The following HSPA12A variants were observed in gnomAD, a reference collection of about 807,000 sequenced individuals.
HSPA12A encodes the protein heat shock 70 kDa protein 12A.
A neutral mutation model predicts 69.2 loss-of-function variants in HSPA12A; 28 were observed. The ratio of observed to expected loss-of-function variants is 0.40; its 90% CI spans 0.30 to 0.55. The LOEUF is 0.55. HSPA12A is among the 20% of genes least tolerant of loss of function. HSPA12A has a pLI of 0.38. For synonymous variants in HSPA12A, 345 were observed against 370.5 expected (o/e 0.93, Z 0.79); for missense variants, 686 against 900.7 (o/e 0.76, Z 3.05).
intron 1 of HSPA12A, among the ~76,000 whole-genome samples, 159 bp from the exon 2 acceptor site, chr10:116,707,444 C>T (rs1210903216): frequency 6.6e-6 from 1 of 152,250 alleles, no homozygotes; most frequent in Non-Finnish European, 1.5e-5. Context: ...AAGGCAGGAA[C>T]ATCCGTTCCA....
intron 1 of HSPA12A, among the ~76,000 whole-genome samples, chr10:116,728,533 T>C (rs1365590607): frequency 6.6e-6 from 1 of 152,168 alleles, no homozygotes; most frequent in African/African-American, 2.4e-5. Context: ...GTGACGAATG[T>C]AGGCTTCAAG....
rs75237139 is a variant in HSPA12A, at chr10:116,755,407, T to C, written c.92-48122A>G. On this transcript the variant is annotated intron_variant, in intron 2 of 12. Transcript: ENST00000635765. Reference sequence around the variant, plus strand: ...TGAGCAGATCACTTGAAGCCAGGAGTTCGAGACCAGCATGGCCAACATGGT... The same window carrying C: ...TGAGCAGATCACTTGAAGCCAGGAGCTCGAGACCAGCATGGCCAACATGGT... 3.2e-3 allele frequency among the ~76,000 whole-genome samples: 490 copies of C among 151,202 alleles called. 12 individuals are homozygous for C. The East Asian group carries it at 0.063, about 20-fold the overall frequency.
At chr10:116,796,036 T>C (rs1844815896) in intron 2 of HSPA12A, among the ~76,000 whole-genome samples, 1 of 149,192 alleles carries the variant, frequency 6.7e-6, no homozygotes, top group Non-Finnish European at 1.5e-5. Context: ...TAGTCCCAGC[T>C]ACTCAGGAGG....
intron 2 of HSPA12A, among the ~76,000 whole-genome samples, chr10:116,805,585 G>A (rs1047743819): frequency 3.3e-5 from 5 of 151,890 alleles, no homozygotes; most frequent in Admixed American, 1.3e-4. Flanking sequence ...GATGTTGGGC[G>A]GGGGGGTACT....
intron 2 of HSPA12A, among the ~76,000 whole-genome samples, chr10:116,785,591 G>C (rs1025236052): frequency 2.0e-5 from 3 of 152,042 alleles, no homozygotes; most frequent in African/African-American, 7.2e-5. Flanking sequence ...ATAAAGCCCA[G>C]CTCACTCCCC....
intron 2 of HSPA12A, among the ~76,000 whole-genome samples, chr10:116,776,609 G>C (rs1413712651): frequency 6.6e-6 from 1 of 152,100 alleles, no homozygotes; most frequent in Non-Finnish European, 1.5e-5. Context: ...AGTGAACAAC[G>C]AATTTATTAT....
chr10:116,699,803 A>G (rs1850026820), intron 4 of HSPA12A, among the ~76,000 whole-genome samples: 1 of 152,202 alleles, frequency 6.6e-6, no homozygotes, highest in African/African-American at 2.4e-5. Context: ...TCAGCATTGA[A>G]TCCCATTAGG....
At chr10:116,729,835 A>G (rs1199601463) in intron 1 of HSPA12A, among the ~76,000 whole-genome samples, 15 of 152,336 alleles carry the variant, frequency 9.8e-5, no homozygotes, top group Admixed American at 4.6e-4. Flanking sequence ...TTAGACCTCA[A>G]TAGACTAAAC....
intron 1 of HSPA12A, among the ~76,000 whole-genome samples, chr10:116,843,321 C>T (rs1056903010): frequency 1.3e-5 from 2 of 152,194 alleles, no homozygotes; most frequent in African/African-American, 2.4e-5. Context: ...TAATTCAATT[C>T]AGTCTGGATT....
chr10:116,716,485 T>C (rs10749228), intron 1 of HSPA12A, among the ~76,000 whole-genome samples: 122,261 of 151,112 alleles, frequency 0.81, 51,188 homozygotes, highest in Non-Finnish European at 0.92. Context: ...TGTGTGTGCA[T>C]GCATGTGCTC....
rs183275003 is a variant in HSPA12A, at chr10:116,848,094, G to T, written c.3+1472C>A. ...AATGGAAACAGCAGCAATAGTGTCAGCTTATTTTGCATAAGGGTTCACTCA... is the reference window on the plus strand; with the variant it reads ...AATGGAAACAGCAGCAATAGTGTCATCTTATTTTGCATAAGGGTTCACTCA... On this transcript the variant is annotated intron_variant, in intron 1 of 12. Transcript: ENST00000635765. Among the ~76,000 whole-genome samples the T allele has an allele frequency of 1.1e-4, 16 of 152,360 alleles. No homozygotes were observed. In the East Asian group the frequency reaches 2.3e-3, roughly 22 times the overall value.
chr10:116,781,541 C>G (rs1844464254), intron 2 of HSPA12A, among the ~76,000 whole-genome samples: 1 of 152,054 alleles, frequency 6.6e-6, no homozygotes, highest in African/African-American at 2.4e-5. Flanking sequence ...GCCCCACAGC[C>G]CTGGGTCCAA....
chr10:116,761,487 CAA>C (rs782209921), intron 2 of HSPA12A, among the ~76,000 whole-genome samples: 18 of 90,378 alleles, frequency 2.0e-4, no homozygotes, highest in Admixed American at 2.5e-4. Flanking sequence ...GACTCCATCT[CAA>C]AAAAAAAAAA....
chr10:116,802,160 C>T (rs1433377625), intron 2 of HSPA12A, among the ~76,000 whole-genome samples: 24 of 152,108 alleles, frequency 1.6e-4, no homozygotes, highest in Admixed American at 1.6e-3. Flanking sequence ...ATGACCCGAC[C>T]AAGTGTATAT....
intron 1 of HSPA12A, among the ~76,000 whole-genome samples, chr10:116,711,686 A>G (rs2420331): frequency 0.58 from 80,833 of 138,326 alleles, 23,756 homozygotes; most frequent in South Asian, 0.72. Context: ...TTTTTTCGAG[A>G]CTGAGTCTCG....
At chr10:116,733,424 C>T (rs1851222606) in intron 1 of HSPA12A, among the ~76,000 whole-genome samples, 1 of 152,208 alleles carries the variant, frequency 6.6e-6, no homozygotes, top group East Asian at 1.9e-4. Context: ...TGTTCCTCAT[C>T]ACAGAGAAAC....
chr10:116,822,269 A>C (rs1251968324), intron 2 of HSPA12A, among the ~76,000 whole-genome samples: 1 of 152,168 alleles, frequency 6.6e-6, no homozygotes, highest in Non-Finnish European at 1.5e-5. Context: ...CTTCACACTT[A>C]CCAGTCTTAT....
intron 1 of HSPA12A, among the ~76,000 whole-genome samples, chr10:116,840,099 C>A (rs1227724798): frequency 6.6e-6 from 1 of 152,076 alleles, no homozygotes; most frequent in African/African-American, 2.4e-5. Context: ...GAGATAAAGT[C>A]TCTTGCAAAT....
At position 116,777,969 on chromosome 10, in the gene HSPA12A, G is replaced by A. The variant is rs536598115; in HGVS notation, c.91+56966C>T. Among the ~76,000 whole-genome samples the A allele has an allele frequency of 6.3e-4, 96 of 152,008 alleles. No individual in the cohort carries two copies. The South Asian group carries it at 0.02, about 31-fold the overall frequency. ...TCTCAAACTCCTGACCTCATGATCC[G>A]CCCGCCTCAACCTCCCAAAGTGCTG... On this transcript the variant is annotated intron_variant, in intron 2 of 12. Coordinates refer to the HSPA12A transcript ENST00000635765.
Sources: gnomAD v4.1 joint callset for allele counts (sites outside exome capture counted in the v4.1 genomes callset) on GRCh38, gnomAD v4.1.1 for gene constraint, MANE v1.5 for transcripts, NCBI Gene and HGNC (gene_info 2026-07-23, HGNC 2026-07-21) for gene names.